The following NOC3L variants were observed in gnomAD, a reference collection of about 807,000 sequenced individuals.
NOC3L encodes nucleolar complex protein 3 homolog.
In NOC3L, 85 loss-of-function variants were observed where a neutral mutation model predicts 102.5. That is an observed-to-expected ratio of 0.83 (90% CI 0.70 to 0.99). The LOEUF is 0.99. NOC3L is among the 50% of genes least tolerant of loss of function. The pLI is 0.00. For missense variants in NOC3L, 878 were observed against 914.9 expected, an observed-to-expected ratio of 0.96 and a Z score of 0.52; for synonymous variants, 303 against 309.4, an observed-to-expected ratio of 0.98 and a Z score of 0.22.
intron 14 of NOC3L, among the ~76,000 whole-genome samples, chr10:94,341,340 TC>T: frequency 6.6e-6 from 1 of 151,700 alleles, no homozygotes; most frequent in South Asian, 2.1e-4. Flanking sequence ...GTGACTGATA[TC>T]CCAAGTAAAA....
In NOC3L at chr10:94,353,070, T is replaced by C. The variant is rs1369025274; in HGVS notation, c.697-13A>G. ...TCAATTTTTTAATCTGTTAAAGAAA[T>C]AGCTTATAAAGCTGGAGAAATCATG... On this transcript the variant is annotated splice_polypyrimidine_tract_variant and intron_variant, in intron 6 of 20. Transcript: ENST00000371361. 3.8e-6 allele frequency: 6 copies of C among 1,588,268 alleles called. No homozygotes were observed. Among genetic ancestry groups the C allele is most frequent in the African/African-American group, 2.7e-5 (2 of 73,492 alleles).
chr10:94,345,556 A>C (rs1184512616), intron 11 of NOC3L, among the ~76,000 whole-genome samples: 1 of 152,160 alleles, frequency 6.6e-6, no homozygotes, highest in East Asian at 1.9e-4. Flanking sequence ...AGAAGTTGTT[A>C]AAGAGCTGCC....
chr10:94,325,171 A>G, the NOC3L span: 6 of 1,105,490 alleles, frequency 5.4e-6, no homozygotes, highest in South Asian at 1.3e-5. Flanking sequence ...GGAAGGCATA[A>G]TTAGTACAAT....
the NOC3L span, chr10:94,316,528 G>C: frequency 6.4e-7 from 1 of 1,552,600 alleles, no homozygotes; most frequent in Non-Finnish European, 8.9e-7. Context: ...TCCTCAGTTT[G>C]CCTTCACTTT....
intron 8 of NOC3L, among the ~76,000 whole-genome samples, chr10:94,350,920 A>T (rs1351061683): frequency 1.3e-5 from 2 of 152,090 alleles, no homozygotes; most frequent in East Asian, 3.9e-4. Context: ...CTTAGTACTA[A>T]AAAAAACTGA....
chr10:94,338,469 TA>T, intron 18 of NOC3L, 138 bp downstream of exon 18: 1 of 885,156 alleles, frequency 1.1e-6, no homozygotes, highest in Non-Finnish European at 1.6e-6. Context: ...TGTAGCATAC[TA>T]ACACAGGAAT....
At chr10:94,317,957 T>C in the NOC3L span, among the ~76,000 whole-genome samples, 1 of 152,208 alleles carries the variant, frequency 6.6e-6, no homozygotes, top group East Asian at 1.9e-4. Context: ...GCTTGCCTGA[T>C]AGAAGGTGCC....
At chr10:94,334,800 T>A in intron 19 of NOC3L, 82 bp from the exon 20 acceptor site, 4 of 992,012 alleles carry the variant, frequency 4.0e-6, no homozygotes, top group Non-Finnish European at 6.3e-6. Context: ...CAGAGAATGA[T>A]TCATTCTTAA....
chr10:94,352,328 G>T lies in NOC3L; in HGVS notation c.934C>A (p.Leu312Met), dbSNP rs1420481573. 1.9e-5 allele frequency: 30 copies of T among 1,610,162 alleles called. No individual in the cohort carries two copies. The highest frequency in any genetic ancestry group is 2.5e-5 in the Non-Finnish European group (30 of 1,177,006). ...VSQYKFYLEN[L>M]EQMVKDWKQR... ...AATATACCTTTAACCATTTGTTCCAGATTTTCCAAATAAAACTTGTATTGG... is the reference window on the plus strand; with the variant it reads ...AATATACCTTTAACCATTTGTTCCATATTTTCCAAATAAAACTTGTATTGG... The change falls in exon 8 of 21, where the codon CTG becomes ATG. Residue 312 changes from leucine (L) to methionine (M), a missense_variant. By Grantham distance (15) the Leu-to-Met change is conservative (BLOSUM62 2). Coordinates refer to ENST00000371361, the MANE Select transcript of NOC3L (RefSeq NM_022451.11).
rs150206370 is a variant in NOC3L at position 94,340,512 on chromosome 10, G to A, written c.1645-16C>T. The A allele has an allele frequency of 1.1e-5, 14 of 1,295,148 alleles. No homozygotes were observed. Among genetic ancestry groups the A allele is most frequent in the African/African-American group, 3.1e-5 (2 of 65,288 alleles). 80.2% of individuals were successfully genotyped at this position (1,295,148 alleles called of 1,614,324 possible). A position where few individuals can be genotyped will look rare whatever the true frequency, so the allele number is the denominator to read the frequency against. On this transcript the variant is annotated splice_polypyrimidine_tract_variant and intron_variant, in intron 14 of 20. Transcript: ENST00000371361. ...AGCTTAGGTCCTTTAAAAAAAAAAG[G>A]GGGGGGTGAGGGGGATGGAATATTA... is the stretch of plus-strand genomic sequence containing the variant.
At chr10:94,362,272 A>G (rs565751568) in intron 1 of NOC3L, among the ~76,000 whole-genome samples, 15 of 152,350 alleles carry the variant, frequency 9.8e-5, no homozygotes, top group African/African-American at 3.6e-4. Flanking sequence ...CACCTCTAAC[A>G]GCCTAGTTGA....
chr10:94,340,417 T>A lies in NOC3L; in HGVS notation c.1708+16A>T. 1.3e-6 allele frequency: 2 copies of A among 1,510,692 alleles called. No homozygotes were observed. Among genetic ancestry groups the A allele is most frequent in the South Asian group, 2.2e-5 (2 of 89,658 alleles). The allele number at this position is 1,510,692 out of a possible 1,614,324, so 93.6% of individuals were successfully genotyped here. A position where few individuals can be genotyped will look rare whatever the true frequency, so the allele number is the denominator to read the frequency against. On this transcript the variant is annotated intron_variant, in intron 15 of 20. Transcript: ENST00000371361. Reference sequence around the variant, plus strand: ...AAAGGTAAGGCAAACAAAACTTGATTAAGAAAATATCATACCTTGTCCAGA... The same window carrying A: ...AAAGGTAAGGCAAACAAAACTTGATAAAGAAAATATCATACCTTGTCCAGA...
chr10:94,362,055 C>T (rs1302047703), intron 1 of NOC3L, 183 bp from the exon 2 acceptor site: 1 of 656,654 alleles, frequency 1.5e-6, no homozygotes, highest in Non-Finnish European at 2.7e-6. Flanking sequence ...GCTACAGCAT[C>T]AGTTATTCAA....
chr10:94,330,238 T>C (rs1298730596), downstream of NOC3L: 2 of 152,228 alleles, frequency 1.3e-5, no homozygotes, highest in African/African-American at 4.8e-5. Flanking sequence ...GAGACTGAAG[T>C]TGAGACCAGG....
At chr10:94,329,990 T>C (rs2054140683), downstream of NOC3L, 2 of 152,132 alleles carry the variant, frequency 1.3e-5, no homozygotes, top group East Asian at 3.8e-4. Context: ...ATTTTAAAAA[T>C]ATTCCGGAAA....
At position 94,334,788 on chromosome 10, in the gene NOC3L, C is replaced by T. The variant is rs560859571; in HGVS notation, c.2190-70G>A. ...GTAACTCAAAAATAATTAGATTATA[C>T]TCAGAGAATGATTCATTCTTAACCC... On this transcript the variant is annotated intron_variant, in intron 19 of 20. Transcript: ENST00000371361. 2.7e-3 allele frequency: 2,876 copies of T among 1,077,950 alleles called. 14 individuals are homozygous for T. Among genetic ancestry groups the T allele is most frequent in the Middle Eastern group, 8.4e-3 (38 of 4,548 alleles). The allele number at this position is 1,077,950 out of a possible 1,614,324, so 66.8% of individuals were successfully genotyped here.
chr10:94,326,073 A>G, the NOC3L span, among the ~76,000 whole-genome samples: 1 of 152,202 alleles, frequency 6.6e-6, no homozygotes, highest in Non-Finnish European at 1.5e-5. Context: ...ACCAGTGGTA[A>G]GTCTCTCCTT....
the NOC3L span, chr10:94,325,024 G>A: frequency 1.9e-6 from 3 of 1,613,616 alleles, no homozygotes. Flanking sequence ...CCAAACCAAG[G>A]AGGAGAAACC....
In NOC3L at chr10:94,362,523, G is replaced by T. The variant is rs1589580934; in HGVS notation, c.9+307C>A. On this transcript the variant is annotated intron_variant, in intron 1 of 20. Transcript: ENST00000371361. ...GTACCGTGACTCACATTATAAACTC[G>T]CTGAGGGTAGGACCCTGCTTCTCAT... Among the ~76,000 whole-genome samples, 3 of 152,046 alleles carry T rather than the reference G, an allele frequency of 2.0e-5. No homozygotes were observed. The South Asian group carries it at 6.2e-4, about 32-fold the overall frequency.
Sources: allele counts gnomAD v4.1 joint callset (sites outside exome capture counted in the v4.1 genomes callset), GRCh38; gene constraint gnomAD v4.1.1; transcripts MANE v1.5; gene names NCBI Gene and HGNC (gene_info 2026-07-23, HGNC 2026-07-21).